Variants in SARNP observed in about 807,000 individuals in gnomAD.
SARNP encodes the protein SAP domain-containing ribonucleoprotein.
A neutral mutation model predicts 38.1 loss-of-function variants in SARNP; 5 were observed. The ratio of observed to expected loss-of-function variants is 0.13; its 90% CI spans 0.07 to 0.28. The LOEUF is 0.28. SARNP is among the 10% of genes least tolerant of loss of function. The probability of loss-of-function intolerance (pLI) is 1.00; values close to 1 mark genes in which losing one functional copy is unlikely to be tolerated. For synonymous variants in SARNP, 84 were observed against 80.6 expected, an observed-to-expected ratio of 1.04 and a Z score of -0.23; for missense variants, 180 against 243.9, an observed-to-expected ratio of 0.74 and a Z score of 1.75.
intron 4 of SARNP, among the ~76,000 whole-genome samples, chr12:55,797,303 G>C (rs912274686): frequency 6.6e-6 from 1 of 152,142 alleles, no homozygotes; most frequent in Non-Finnish European, 1.5e-5. Context: ...GAAGTCCTAC[G>C]ATATGTAACC....
intron 9 of SARNP, among the ~76,000 whole-genome samples, chr12:55,779,766 C>T (rs1382304344): frequency 2.0e-5 from 3 of 152,196 alleles, no homozygotes; most frequent in Non-Finnish European, 2.9e-5. Context: ...CCTGAAGCCA[C>T]GAATAGTACC....
In SARNP at chr12:55,809,236, AC is replaced by A. The variant is rs552174240; in HGVS notation, c.37-5509del. 8.0e-4 allele frequency among the ~76,000 whole-genome samples: 121 copies of A among 151,236 alleles called. 2 individuals carry two copies. The highest frequency in any genetic ancestry group is 2.6e-3 in the African/African-American group (106 of 41,190). On this transcript the variant is annotated intron_variant, in intron 1 of 10. Transcript: ENST00000336133. ...AAACAAAAAATATTTTAACAAGTAT[AC>A]TGAATGAATTGTATGGTACGTGAAT... is the stretch of plus-strand genomic sequence containing the variant.
chr12:55,772,195 C>T (rs1045807706), intron 9 of SARNP, among the ~76,000 whole-genome samples: 2 of 152,168 alleles, frequency 1.3e-5, no homozygotes, highest in African/African-American at 4.8e-5. Context: ...GGTAGAGACA[C>T]TCCAACACTA....
chr12:55,752,616 A>G (rs1404550295), downstream of SARNP: 1 of 152,148 alleles, frequency 6.6e-6, no homozygotes, highest in Non-Finnish European at 1.5e-5. Context: ...TATTTGTCAC[A>G]TTGTGTGCAT....
At chr12:55,767,613 C>T (rs1290143128) in intron 9 of SARNP, among the ~76,000 whole-genome samples, 2 of 151,562 alleles carry the variant, frequency 1.3e-5, no homozygotes, top group African/African-American at 4.9e-5. Context: ...TTTGGGAGGC[C>T]GAGACGGGTG....
intron 7 of SARNP, chr12:55,793,624 GA>G (rs112712133): frequency 0.27 from 38,616 of 144,428 alleles, 10,106 homozygotes; most frequent in African/African-American, 0.67. Context: ...TGTATTTATT[GA>G]AAAAAAAAAA....
intron 9 of SARNP, among the ~76,000 whole-genome samples, chr12:55,787,297 C>T (rs1047814525): frequency 1.3e-5 from 2 of 149,098 alleles, no homozygotes; most frequent in African/African-American, 5.1e-5. Flanking sequence ...AAGTTGTGCA[C>T]AAGTGTTCCA....
At chr12:55,803,857 C>A (rs1880057809) in intron 1 of SARNP, 129 bp from the exon 2 acceptor site, 3 of 613,036 alleles carry the variant, frequency 4.9e-6, no homozygotes, top group African/African-American at 3.7e-5. Context: ...CTTAATTCTA[C>A]CAAGGCTCTA....
At chr12:55,812,283 C>T (rs1303890112) in intron 1 of SARNP, among the ~76,000 whole-genome samples, 1 of 152,160 alleles carries the variant, frequency 6.6e-6, no homozygotes, top group Non-Finnish European at 1.5e-5. Flanking sequence ...ATTACAATAC[C>T]CTTCCCATTG....
At chr12:55,795,012 T>C (rs995984748) in intron 5 of SARNP, 132 bp from the exon 6 acceptor site, 9 of 555,114 alleles carry the variant, frequency 1.6e-5, no homozygotes, top group Non-Finnish European at 2.8e-5. Flanking sequence ...CAGCCTGGAG[T>C]GCAGTGGCAT....
At chr12:55,764,565 A>G (rs2136178530) in intron 9 of SARNP, among the ~76,000 whole-genome samples, 1 of 151,044 alleles carries the variant, frequency 6.6e-6, no homozygotes, top group Non-Finnish European at 1.5e-5. Flanking sequence ...GGCTGGGCGC[A>G]GTGGCTCACA....
intron 4 of SARNP, among the ~76,000 whole-genome samples, chr12:55,797,089 A>T (rs1008390122): frequency 2.0e-5 from 3 of 152,228 alleles, no homozygotes; most frequent in South Asian, 2.1e-4. Flanking sequence ...AACCAGTCTC[A>T]TTAAGGTCCC....
At chr12:55,775,555 C>CAAA (rs56311724) in intron 9 of SARNP, among the ~76,000 whole-genome samples, 3 of 120,888 alleles carry the variant, frequency 2.5e-5, no homozygotes, top group African/African-American at 8.8e-5. Flanking sequence ...AAAACAAAAA[C>CAAA]AAAAAAAAAA....
downstream of SARNP, chr12:55,755,051 A>C (rs1878462366): frequency 6.6e-6 from 1 of 152,238 alleles, no homozygotes; most frequent in Non-Finnish European, 1.5e-5. Context: ...AGGGAAAAAC[A>C]AGAAAAGTCT....
At chr12:55,767,107 C>CACAAA (rs1304887708) in intron 9 of SARNP, among the ~76,000 whole-genome samples, 1 of 152,176 alleles carries the variant, frequency 6.6e-6, no homozygotes, top group Non-Finnish European at 1.5e-5. Context: ...GTAAAGAGTG[C>CACAAA]TTTGCACACA....
chr12:55,794,970 A>AT, intron 5 of SARNP, 90 bp from the exon 6 acceptor site: 1 of 658,492 alleles, frequency 1.5e-6, no homozygotes, highest in East Asian at 2.9e-5. Flanking sequence ...AAAAAAAAAA[A>AT]AAAAAAAAAA....
intron 1 of SARNP, among the ~76,000 whole-genome samples, chr12:55,814,777 G>A (rs1215405138): frequency 6.6e-6 from 1 of 151,974 alleles, no homozygotes; most frequent in Non-Finnish European, 1.5e-5. Context: ...GCTGAGGCAC[G>A]GGAATTGCTT....
chr12:55,767,474 A>T (rs974578406), intron 9 of SARNP, among the ~76,000 whole-genome samples: 3 of 151,652 alleles, frequency 2.0e-5, no homozygotes, highest in African/African-American at 7.3e-5. Context: ...GCTTGAGCCA[A>T]GGAGGTTGAG....
chr12:55,779,380 T>C (rs1879277554), intron 9 of SARNP, among the ~76,000 whole-genome samples: 1 of 152,218 alleles, frequency 6.6e-6, no homozygotes, highest in African/African-American at 2.4e-5. Flanking sequence ...CCCATGGCTG[T>C]ATGAGAAAGA....
Sources: allele counts gnomAD v4.1 joint callset (sites outside exome capture counted in the v4.1 genomes callset), GRCh38; gene constraint gnomAD v4.1.1; transcripts MANE v1.5; gene names NCBI Gene and HGNC (gene_info 2026-07-23, HGNC 2026-07-21).